ZNF845: variants seen among roughly 807,000 people sequenced by gnomAD.
ZNF845 encodes zinc finger protein 845.
Under a neutral mutation model 76.1 loss-of-function variants are expected in ZNF845, and 59 were observed. The observed-to-expected ratio is 0.78, with a 90% CI of 0.63 to 0.96. The LOEUF is 0.96. Among genes scored for constraint, ZNF845 ranks in the 40% least tolerant of loss-of-function variants. The probability of loss-of-function intolerance (pLI) is 0.00; values close to 1 mark genes in which losing one functional copy is unlikely to be tolerated. For missense variants in ZNF845, 1,045 were observed against 1,172.8 expected (o/e 0.89, Z 1.59); for synonymous variants, 361 against 386.9 (o/e 0.93, Z 0.78).
In ZNF845 at chr19:53,333,782, C is replaced by G. The variant is rs1457991392; in HGVS notation, c.-84C>G. ...AAGCGGATCGCATGGAGTGATGGTC[C>G]CACCGCAGCGGTGAGTTTTGCTCTG... On this transcript the variant is annotated 5_prime_UTR_variant, in exon 1 of 4. Coordinates refer to ENST00000458035, the MANE Select transcript of ZNF845 (RefSeq NM_138374.3). The G allele has an allele frequency of 6.3e-6, 1 of 159,846 alleles. No individual in the cohort carries two copies. Among genetic ancestry groups the G allele is most frequent in the Admixed American group, 6.4e-5 (1 of 15,620 alleles). 9.9% of individuals were successfully genotyped at this position (159,846 alleles called of 1,614,324 possible). A position where few individuals can be genotyped will look rare whatever the true frequency, so the allele number is the denominator to read the frequency against.
At chr19:53,341,839 G>T (rs968992230) in intron 2 of ZNF845, among the ~76,000 whole-genome samples, 1 of 152,162 alleles carries the variant, frequency 6.6e-6, no homozygotes, top group Admixed American at 6.5e-5. Flanking sequence ...AGAATGGAAA[G>T]TTCATACACA....
intron 2 of ZNF845, 120 bp downstream of exon 2, chr19:53,341,442 C>G: frequency 7.1e-7 from 1 of 1,414,772 alleles, no homozygotes. Flanking sequence ...TCGCACTCAC[C>G]CATGCCTTCC....
chr19:53,338,712 A>ACACACACACG (rs1223153149), intron 1 of ZNF845, among the ~76,000 whole-genome samples: 7 of 142,190 alleles, frequency 4.9e-5, no homozygotes, highest in Admixed American at 3.5e-4. Flanking sequence ...ACACACACAC[A>ACACACACACG]CACACACACG....
intron 1 of ZNF845, among the ~76,000 whole-genome samples, chr19:53,334,087 C>G (rs1485084261): frequency 6.6e-6 from 1 of 152,238 alleles, no homozygotes; most frequent in Admixed American, 6.5e-5. Context: ...TTTTTAAAGT[C>G]CTTACCGCGA....
chr19:53,346,244 C>G, intron 3 of ZNF845: 1 of 272,760 alleles, frequency 3.7e-6, no homozygotes, highest in Non-Finnish European at 7.6e-6. Flanking sequence ...TCATTTATTA[C>G]TTTTTGCGTT....
chr19:53,351,259 A>C lies in ZNF845; in HGVS notation c.584A>C (p.Asn195Thr). ...KTHISKNYGN[N>T]FLNSSLLTQK... Reference sequence around the variant, plus strand: ...CACATTTCTAAGAACTATGGGAATAATTTCCTGAATTCTTCATTACTCACA... The same window carrying C: ...CACATTTCTAAGAACTATGGGAATACTTTCCTGAATTCTTCATTACTCACA... The change falls in exon 4 of 4, where the codon AAT becomes ACT. Residue 195 changes from asparagine to threonine, a missense_variant. Asn to Thr is a moderately conservative substitution (Grantham distance 65, BLOSUM62 0). Transcript: ENST00000458035. 1 of 1,614,204 alleles carries C rather than the reference A, an allele frequency of 6.2e-7. No individual in the cohort carries two copies. Among genetic ancestry groups the C allele is most frequent in the Non-Finnish European group, 8.5e-7 (1 of 1,180,032 alleles).
Position 53,351,892 on chromosome 19 carries a change from C to T in ZNF845, c.1217C>T (p.Thr406Ile), listed in dbSNP as rs1341761190. The T allele has an allele frequency of 1.2e-6, 2 of 1,613,816 alleles. No individual in the cohort carries two copies. The highest frequency in any genetic ancestry group is 1.7e-6 in the Non-Finnish European group (2 of 1,179,926). Residue 406 changes from threonine to isoleucine, a missense_variant, in exon 4 of 4, where the codon ACT becomes ATT. Transcript: ENST00000458035. ...CTTACACGCCATCGTAGACTTCATA[C>T]TGGAGAGAAACCTTATAAGTGTAAT... The part of the protein sequence containing the change: ...SSLTRHRRLH[T>I]GEKPYKCNDC...
chr19:53,344,688 T>C (rs898096582), intron 2 of ZNF845, among the ~76,000 whole-genome samples: 1 of 148,716 alleles, frequency 6.7e-6, no homozygotes, highest in Non-Finnish European at 1.5e-5. Context: ...TGGAGTGTAA[T>C]GGCACAATCT....
chr19:53,355,894 ATG>A lies in ZNF845; in HGVS notation c.*2310_*2311del, dbSNP rs1446620204. 6.6e-6 allele frequency: 1 copy of A among 152,172 alleles called. No homozygotes were observed. The highest frequency in any genetic ancestry group is 6.5e-5 in the Admixed American group (1 of 15,276). 9.4% of individuals were successfully genotyped at this position (152,172 alleles called of 1,614,324 possible). A position where few individuals can be genotyped will look rare whatever the true frequency, so the allele number is the denominator to read the frequency against. On this transcript the variant is annotated 3_prime_UTR_variant, in exon 4 of 4. Coordinates refer to ENST00000458035, the MANE Select transcript of ZNF845 (RefSeq NM_138374.3). ...TGCTTTTTCTCTATCTATTGAGATA[ATG>A]TGTTTTTTATCTGTCATTCTGTGCA...
intron 2 of ZNF845, among the ~76,000 whole-genome samples, chr19:53,344,615 T>TTATGTTATGTTATGTTCTGTTATGTTATG (rs59952944): frequency 7.6e-6 from 1 of 132,328 alleles, no homozygotes; most frequent in Admixed American, 7.6e-5. Context: ...TTTATTTTAT[T>TTATGTTATGTTATGTTCTGTTATGTTATG]TTATTTTATT....
At position 53,352,562 on chromosome 19, in the gene ZNF845, T is replaced by C. The variant is rs765223531; in HGVS notation, c.1887T>C (p.His629=). 6.2e-6 allele frequency: 10 copies of C among 1,609,572 alleles called. No individual in the cohort carries two copies. The Admixed American group carries it at 8.5e-5, about 14-fold the overall frequency. ...ACCTTGCAGTTCATTGGCGAACTCATAGTGGAGAGAAACCTTACAAATGTG... is the reference window on the plus strand; with the variant it reads ...ACCTTGCAGTTCATTGGCGAACTCACAGTGGAGAGAAACCTTACAAATGTG... ...RSYLAVHWRT[H]SGEKPYKCEE... is the part of the protein sequence containing the mutation. Residue 629 remains histidine (H), a synonymous_variant, in exon 4 of 4, where the codon CAT becomes CAC. Coordinates refer to ENST00000458035, the MANE Select transcript of ZNF845 (RefSeq NM_138374.3).
Position 53,348,892 on chromosome 19 carries a change from T to C in ZNF845, c.143-1926T>C, listed in dbSNP as rs1300767293. Reference sequence around the variant, plus strand: ...TTTTTTGTGAGACAGAGTCTCACCCTGTCACCCAGGCTGGAGTGCAGTGAT... The same window carrying C: ...TTTTTTGTGAGACAGAGTCTCACCCCGTCACCCAGGCTGGAGTGCAGTGAT... On this transcript the variant is annotated intron_variant, in intron 3 of 3. Transcript: ENST00000458035. Among the ~76,000 whole-genome samples, 3 of 141,022 alleles carry C rather than the reference T, an allele frequency of 2.1e-5. No individual in the cohort carries two copies. The Admixed American group carries it at 2.2e-4, about 11-fold the overall frequency. The allele number at this position is 141,022 out of a possible 152,430, so 92.5% of individuals were successfully genotyped here. A position where few individuals can be genotyped will look rare whatever the true frequency, so the allele number is the denominator to read the frequency against.
intron 2 of ZNF845, 144 bp downstream of exon 2, chr19:53,341,466 A>C: frequency 7.6e-7 from 1 of 1,307,266 alleles, no homozygotes; most frequent in Admixed American, 2.0e-5. Flanking sequence ...AGTCCCTCTC[A>C]TCTCGCTTAG....
At chr19:53,335,914 A>T (rs530289272) in intron 1 of ZNF845, among the ~76,000 whole-genome samples, 4 of 152,048 alleles carry the variant, frequency 2.6e-5, no homozygotes, top group Non-Finnish European at 5.9e-5. Flanking sequence ...AGTACTTTTT[A>T]AAAGGGACAT....
At chr19:53,337,760 T>G (rs538718536) in intron 1 of ZNF845, among the ~76,000 whole-genome samples, 16 of 152,054 alleles carry the variant, frequency 1.1e-4, no homozygotes, top group Non-Finnish European at 2.2e-4. Flanking sequence ...GAGATGGAGT[T>G]TCACCATCTT....
chr19:53,352,775 C>G lies in ZNF845; in HGVS notation c.2100C>G (p.Phe700Leu). The part of the protein sequence containing the change: ...PYKCNECGKT[F>L]GRNSALIIHK... ...AGTGTAATGAGTGTGGCAAGACCTT[C>G]GGTCGAAATTCAGCCCTTATAATTC... Residue 700 changes from phenylalanine (F) to leucine (L), a missense_variant, in exon 4 of 4, where the codon TTC becomes TTG. Physicochemically the swap from Phe to Leu is conservative, Grantham distance 22 (BLOSUM62 0). Coordinates refer to ENST00000458035, the MANE Select transcript of ZNF845 (RefSeq NM_138374.3). 6.2e-7 allele frequency: 1 copy of G among 1,613,948 alleles called. No individual in the cohort carries two copies. The highest frequency in any genetic ancestry group is 1.3e-5 in the African/African-American group (1 of 74,968).
At chr19:53,338,925 AAAAG>A (rs956606867) in intron 1 of ZNF845, among the ~76,000 whole-genome samples, 35 of 151,440 alleles carry the variant, frequency 2.3e-4, no homozygotes, top group Non-Finnish European at 3.5e-4. Flanking sequence ...CTAAAAAAAA[AAAAG>A]AAAGAAAGAA....
At position 53,347,575 on chromosome 19, in the gene ZNF845, G is replaced by C. The variant is rs113847512; in HGVS notation, c.142+1943G>C. On this transcript the variant is annotated intron_variant, in intron 3 of 3. Coordinates refer to ENST00000458035, the MANE Select transcript of ZNF845 (RefSeq NM_138374.3). ...CCCAAAGTGCTGAGATTACAGGCATGAACCACCGTGCCCAGCCAGCCTCAC... is the reference window on the plus strand; with the variant it reads ...CCCAAAGTGCTGAGATTACAGGCATCAACCACCGTGCCCAGCCAGCCTCAC... Among the ~76,000 whole-genome samples, 1,469 of 152,208 alleles carry C rather than the reference G, an allele frequency of 9.7e-3. 23 individuals carry two copies. The highest frequency in any genetic ancestry group is 0.033 in the African/African-American group (1,378 of 41,528).
rs2085374438 is a variant in ZNF845, at chr19:53,354,950, A to T, written c.*1362A>T. ...TTCTTTTTTTTTGAGAAGGAGTCTC[A>T]CTCTTGTCACTTGGACTGGAGTACA... On this transcript the variant is annotated 3_prime_UTR_variant, in exon 4 of 4. Coordinates refer to ENST00000458035, the MANE Select transcript of ZNF845 (RefSeq NM_138374.3). The T allele has an allele frequency of 6.7e-6, 1 of 150,172 alleles. No individual in the cohort carries two copies. Among genetic ancestry groups the T allele is most frequent in the South Asian group, 2.1e-4 (1 of 4,774 alleles). 9.3% of individuals were successfully genotyped at this position (150,172 alleles called of 1,614,324 possible).
Sources: gnomAD v4.1 joint callset for allele counts (sites outside exome capture counted in the v4.1 genomes callset) on GRCh38, gnomAD v4.1.1 for gene constraint, MANE v1.5 for transcripts, NCBI Gene and HGNC (gene_info 2026-07-23, HGNC 2026-07-21) for gene names.